The following DMD variants were observed in gnomAD, a reference collection of about 807,000 sequenced individuals.
DMD encodes dystrophin.
A neutral mutation model predicts 330.1 loss-of-function variants in DMD; 63 were observed. The ratio of observed to expected loss-of-function variants is 0.19; its 90% CI spans 0.16 to 0.24. The LOEUF (loss-of-function observed/expected upper bound fraction) is 0.24, where lower values mean the gene tolerates loss of function less well. Among genes scored for constraint, DMD ranks in the 10% least tolerant of loss-of-function variants. The pLI is 1.00. For synonymous variants in DMD, 1,223 were observed against 959.8 expected (o/e 1.27, Z -5.07); for missense variants, 3,344 against 2,684.1 (o/e 1.25, Z -5.43).
chrX:31,755,137 AT>A (rs35366767), intron 51 of DMD, among the ~76,000 whole-genome samples: 24,824 of 106,971 alleles, frequency 0.23, 2,029 homozygotes, highest in East Asian at 0.44. Context: ...CATTTGAACT[AT>A]TTTTTATCAC....
chrX:32,539,681 G>A (rs982422524), intron 17 of DMD, among the ~76,000 whole-genome samples: 1 of 111,377 alleles, frequency 9.0e-6, no homozygotes, highest in Non-Finnish European at 1.9e-5. Context: ...ACTGCAGAGC[G>A]GTCTTATCTG....
chrX:32,595,999 C>A lies in DMD; in HGVS notation c.1483-123G>T, dbSNP rs808542. 288,714 of 646,678 alleles carry A rather than the reference C, an allele frequency of 0.45. 46,722 individuals carry two copies. The highest frequency in any genetic ancestry group is 0.8 in the African/African-American group (36,441 of 45,315). The allele number at this position is 646,678 out of a possible 1,213,427, so 53.3% of individuals were successfully genotyped here. ...CTCAGGTACTCCCATTTTTTATTAA[C>A]CTAAAACCATTCCAAGCCAATTTTC... On this transcript the variant is annotated intron_variant, in intron 12 of 78. Transcript: ENST00000357033.
intron 4 of DMD, among the ~76,000 whole-genome samples, chrX:32,823,961 G>T (rs1442518799): frequency 8.9e-6 from 1 of 111,804 alleles, no homozygotes; most frequent in Non-Finnish European, 1.9e-5. Flanking sequence ...GTTTAAGGTG[G>T]AGTAAAGTTA....
intron 60 of DMD, among the ~76,000 whole-genome samples, chrX:31,432,964 G>A (rs1249552762): frequency 9.0e-6 from 1 of 111,675 alleles, no homozygotes; most frequent in Non-Finnish European, 1.9e-5. Flanking sequence ...GGTATATTGT[G>A]TGACACTGAG....
chrX:31,493,425 G>C (rs2069508622), intron 57 of DMD, among the ~76,000 whole-genome samples: 1 of 112,619 alleles, frequency 8.9e-6, no homozygotes, highest in Non-Finnish European at 1.9e-5. Flanking sequence ...TCCGAGCCAA[G>C]ATGTAAAGGA....
At chrX:31,857,846 T>A (rs1208676570) in intron 48 of DMD, among the ~76,000 whole-genome samples, 4 of 110,066 alleles carry the variant, frequency 3.6e-5, no homozygotes, top group African/African-American at 9.9e-5. Flanking sequence ...ATATGATATA[T>A]GAAATATATA....
rs5901988 is a variant in DMD at position 31,456,836 on chromosome X, A to ATGTGTG, written c.8938-12215_8938-12210dup. Among the ~76,000 whole-genome samples, 768 of 83,213 alleles carry ATGTGTG rather than the reference A, an allele frequency of 9.2e-3. 8 individuals are homozygous for ATGTGTG. Among genetic ancestry groups the ATGTGTG allele is most frequent in the African/African-American group, 0.027 (569 of 21,419 alleles). The allele number at this position is 83,213 out of a possible 115,157, so 72.3% of individuals were successfully genotyped here. ...TCCACTAGATACTGTGCCCACATAT[A>ATGTGTG]TGTGTGTGTGTGTGTGTGTGTGTGT... On this transcript the variant is annotated intron_variant, in intron 59 of 78. Coordinates refer to ENST00000357033, the MANE Select transcript of DMD (RefSeq NM_004006.3).
chrX:32,422,925 A>T, intron 29 of DMD, among the ~76,000 whole-genome samples: 1 of 111,628 alleles, frequency 9.0e-6, no homozygotes, highest in African/African-American at 3.2e-5. Context: ...AAAGAGAGAG[A>T]TGAATATGTA....
At chrX:32,396,727 C>T in intron 30 of DMD, among the ~76,000 whole-genome samples, 1 of 111,256 alleles carries the variant, frequency 9.0e-6, no homozygotes, top group Middle Eastern at 4.7e-3. Context: ...AATAAAATGT[C>T]TTTATATTTC....
intron 52 of DMD, among the ~76,000 whole-genome samples, chrX:31,714,547 C>T (rs1010756129): frequency 4.5e-5 from 5 of 111,456 alleles, no homozygotes; most frequent in African/African-American, 1.3e-4. Flanking sequence ...ATATTCAATA[C>T]TTTTTTGTCT....
chrX:31,495,693 T>G (rs771163800), intron 57 of DMD, among the ~76,000 whole-genome samples: 1 of 111,914 alleles, frequency 8.9e-6, no homozygotes, highest in Non-Finnish European at 1.9e-5. Flanking sequence ...AAAACATTTT[T>G]TTCATAGACC....
At chrX:32,021,702 A>G (rs1208475269) in intron 44 of DMD, among the ~76,000 whole-genome samples, 3 of 112,356 alleles carry the variant, frequency 2.7e-5, no homozygotes, top group Non-Finnish European at 1.9e-5. Flanking sequence ...ATAATTAGTA[A>G]TTTTTATATT....
chrX:32,329,108 C>T (rs2097666477), intron 41 of DMD, among the ~76,000 whole-genome samples: 1 of 112,043 alleles, frequency 8.9e-6, no homozygotes. Flanking sequence ...GAAACAGTGA[C>T]TAACAAGATA....
At chrX:32,248,434 A>G (rs530757919) in intron 43 of DMD, among the ~76,000 whole-genome samples, 18 of 111,092 alleles carry the variant, frequency 1.6e-4, no homozygotes, top group African/African-American at 5.2e-4. Flanking sequence ...AGCTGTTTAC[A>G]TATCTTTTAA....
At chrX:32,633,900 T>C (rs2058912209) in intron 11 of DMD, among the ~76,000 whole-genome samples, 1 of 110,606 alleles carries the variant, frequency 9.0e-6, no homozygotes, top group South Asian at 3.9e-4. Context: ...TTATGAAAAA[T>C]TTGCCCCCAT....
chrX:33,204,772 A>C (rs1222163251), intron 1 of DMD, among the ~76,000 whole-genome samples: 1 of 112,435 alleles, frequency 8.9e-6, no homozygotes, highest in African/African-American at 3.2e-5. Context: ...CATCAGCTGT[A>C]AGTCCCTTCT....
intron 56 of DMD, among the ~76,000 whole-genome samples, chrX:31,504,870 C>T (rs760146945): frequency 7.9e-4 from 89 of 112,081 alleles, no homozygotes; most frequent in Non-Finnish European, 1.3e-3. Context: ...AACCATTGAT[C>T]TGAATATTTA....
chrX:33,278,648 T>G lies in DMD; in HGVS notation c.7+60611A>C, dbSNP rs148215777. Among the ~76,000 whole-genome samples the G allele has an allele frequency of 7.2e-5, 8 of 111,685 alleles. No homozygotes were observed. In the East Asian group the frequency reaches 2.2e-3, roughly 31 times the overall value. On this transcript the variant is annotated intron_variant, in intron 1 of 17. Transcript: ENST00000288447. ...AACAGTGCTGTAATGAACATCCCAG[T>G]GCATATGATTTTTGGTAGAATAATC...
intron 43 of DMD, among the ~76,000 whole-genome samples, chrX:32,248,719 T>C (rs1217482422): frequency 9.0e-6 from 1 of 110,989 alleles, no homozygotes; most frequent in African/African-American, 3.3e-5. Context: ...AATTGCTCAG[T>C]GCACTCCACT....
Sources: gnomAD v4.1 joint callset for allele counts (sites outside exome capture counted in the v4.1 genomes callset) on GRCh38, gnomAD v4.1.1 for gene constraint, MANE v1.5 for transcripts, NCBI Gene and HGNC (gene_info 2026-07-23, HGNC 2026-07-21) for gene names.